Variants in ABCA5 observed in about 807,000 individuals in gnomAD.
ABCA5 encodes the protein cholesterol transporter ABCA5.
ABCA5 carries 163 observed loss-of-function variants against 206.0 expected under a neutral mutation model. The ratio of observed to expected loss-of-function variants is 0.79; its 90% confidence interval spans 0.70 to 0.90. The LOEUF (loss-of-function observed/expected upper bound fraction) is 0.90. Among genes scored for constraint, ABCA5 ranks in the 40% least tolerant of loss-of-function variants. The pLI is 0.00. For synonymous variants in ABCA5, 609 were observed against 613.8 expected (o/e 0.99, Z 0.11); for missense variants, 1,859 against 1,912.9 (o/e 0.97, Z 0.53).
At chr17:69,247,751 A>C in intron 38 of ABCA5, 107 bp from the exon 39 acceptor site, 3 of 542,996 alleles carry the variant, frequency 5.5e-6, no homozygotes, top group African/African-American at 2.0e-5. Flanking sequence ...TATATCAACA[A>C]GTATCAAGAG....
At chr17:69,254,825 G>C (rs2144897924) in intron 31 of ABCA5, among the ~76,000 whole-genome samples, 1 of 152,182 alleles carries the variant, frequency 6.6e-6, no homozygotes, top group Non-Finnish European at 1.5e-5. Context: ...CACCCGCCCA[G>C]ATGTTTTACT....
At chr17:69,314,046 G>A (rs1299643960) in intron 2 of ABCA5, among the ~76,000 whole-genome samples, 1 of 152,006 alleles carries the variant, frequency 6.6e-6, no homozygotes, top group Admixed American at 6.6e-5. Context: ...ATGAAACTTA[G>A]GAAACACATG....
At chr17:69,306,019 G>C (rs1037203164) in intron 6 of ABCA5, among the ~76,000 whole-genome samples, 6 of 151,978 alleles carry the variant, frequency 3.9e-5, no homozygotes, top group African/African-American at 1.5e-4. Context: ...TTGTAAAACA[G>C]ACTATAACAG....
At position 69,326,744 on chromosome 17, in the gene ABCA5, C is replaced by T. The variant is rs1333585233; in HGVS notation, c.-16+308G>A. Reference sequence around the variant, plus strand: ...CCGAAGTCCCACGGCCGGACCCGGTCCCAGGGGAGCCTCGCGGAGCCCCCG... The same window carrying T: ...CCGAAGTCCCACGGCCGGACCCGGTTCCAGGGGAGCCTCGCGGAGCCCCCG... On this transcript the variant is annotated intron_variant, in intron 1 of 38. Transcript: ENST00000392676. The surrounding 1 kb of genome is among the most constrained non-coding windows in gnomAD (Gnocchi z 4.8). 6.6e-6 allele frequency among the ~76,000 whole-genome samples: 1 copy of T among 152,186 alleles called. No homozygotes were observed. The highest frequency in any genetic ancestry group is 2.4e-5 in the African/African-American group (1 of 41,438).
intron 1 of ABCA5, among the ~76,000 whole-genome samples, chr17:69,315,628 T>A (rs1366652626): frequency 6.6e-6 from 1 of 151,638 alleles, no homozygotes; most frequent in African/African-American, 2.4e-5. Flanking sequence ...ACTAAAAATA[T>A]AAAAATTAGC....
At chr17:69,295,345 A>G (rs2075573911) in intron 10 of ABCA5, among the ~76,000 whole-genome samples, 1 of 152,176 alleles carries the variant, frequency 6.6e-6, no homozygotes, top group Admixed American at 6.5e-5. Context: ...GGATCCCATG[A>G]TGCTATTCAA....
intron 1 of ABCA5, among the ~76,000 whole-genome samples, chr17:69,320,543 T>A: frequency 6.6e-6 from 1 of 152,082 alleles, no homozygotes; most frequent in Non-Finnish European, 1.5e-5. Context: ...AAAAAAAAAA[T>A]CTCTTAAGCC....
In ABCA5 at chr17:69,285,960, A is replaced by T; in HGVS notation, c.2210T>A (p.Leu737Ter). 2 of 1,613,312 alleles carry T rather than the reference A, an allele frequency of 1.2e-6. No individual in the cohort carries two copies. The highest frequency in any genetic ancestry group is 2.2e-5 in the South Asian group (2 of 91,014). ...CACAAGTTGTTGGTCATTCTGTTGT[A>T]ATAAAGTAGCTCCAGGTATATGTTG... ...VKQHIPGATLLQQNDQQLVYS... is the reference protein window; with the variant it reads ...VKQHIPGATL The change falls in exon 17 of 39, where the codon TTA (leucine) becomes TAA (stop). Residue 737 changes from leucine to a stop codon, truncating the protein, a stop_gained. Coordinates refer to ENST00000392676, the MANE Select transcript of ABCA5 (RefSeq NM_172232.4). LOFTEE classifies it high-confidence loss of function.
intron 9 of ABCA5, among the ~76,000 whole-genome samples, chr17:69,298,368 T>C (rs1248557666): frequency 2.3e-5 from 2 of 86,508 alleles, no homozygotes; most frequent in African/African-American, 7.6e-5. Context: ...AGAAAGGGCA[T>C]ACAGTGGTAA....
At chr17:69,259,670 C>T (rs769519858) in intron 28 of ABCA5, 36 bp downstream of exon 28, 5 of 1,386,322 alleles carry the variant, frequency 3.6e-6, no homozygotes, top group Non-Finnish European at 5.1e-6. Context: ...TGTAAATATA[C>T]TAAAAACATT....
chr17:69,291,665 A>C (rs184508569), intron 11 of ABCA5, among the ~76,000 whole-genome samples: 31 of 152,344 alleles, frequency 2.0e-4, no homozygotes, highest in African/African-American at 6.7e-4. Flanking sequence ...TAGGCATTTA[A>C]ATAAACTGGC....
At chr17:69,295,681 G>C (rs1290987773) in intron 10 of ABCA5, among the ~76,000 whole-genome samples, 2 of 152,096 alleles carry the variant, frequency 1.3e-5, no homozygotes, top group Admixed American at 6.5e-5. Flanking sequence ...ATTAAGCTTT[G>C]ATAAAGCATA....
rs758348860 is a variant in ABCA5, at chr17:69,306,766, TTTTA to T, written c.743_746del (p.Ile248LysfsTer4). The T allele has an allele frequency of 2.6e-6, 4 of 1,564,940 alleles. No individual in the cohort carries two copies. The highest frequency in any genetic ancestry group is 1.2e-5 in the South Asian group (1 of 81,184). ...GAAGTCCCATTATCTTTAAAAATTC[TTTTA>T]TTTTTTTTTCTTTTTCTGCTACGAT... On this transcript the variant is annotated frameshift_variant, in exon 6 of 39. Coordinates refer to ENST00000392676, the MANE Select transcript of ABCA5 (RefSeq NM_172232.4). LOFTEE classifies it high-confidence loss of function.
chr17:69,325,599 C>T (rs180998359), intron 1 of ABCA5: 2 of 152,306 alleles, frequency 1.3e-5, no homozygotes, highest in East Asian at 3.9e-4. Flanking sequence ...TATCGGTACT[C>T]TTGGCACATA....
At chr17:69,321,205 C>A (rs551818) in intron 1 of ABCA5, among the ~76,000 whole-genome samples, 145,260 of 152,186 alleles carry the variant, frequency 0.95, 69,718 homozygotes, top group East Asian at 1. Context: ...ACACCCAAAA[C>A]TAAAGGGTTA....
intron 10 of ABCA5, among the ~76,000 whole-genome samples, chr17:69,295,167 A>T (rs2144994078): frequency 6.6e-6 from 1 of 152,322 alleles, no homozygotes; most frequent in Non-Finnish European, 1.5e-5. Context: ...AGTTCACATC[A>T]TCTATTTATA....
intron 11 of ABCA5, among the ~76,000 whole-genome samples, chr17:69,294,299 A>G (rs2075562059): frequency 6.6e-6 from 1 of 151,956 alleles, no homozygotes; most frequent in Non-Finnish European, 1.5e-5. Context: ...GAGGCGGGCG[A>G]ACCACCTGAG....
At chr17:69,285,577 C>T (rs1232575227) in intron 17 of ABCA5, among the ~76,000 whole-genome samples, 3 of 151,838 alleles carry the variant, frequency 2.0e-5, no homozygotes, top group South Asian at 2.1e-4. Flanking sequence ...TACATATATG[C>T]CTTACTCTCA....
chr17:69,270,643 G>T lies in ABCA5; in HGVS notation c.3000C>A (p.Thr1000=). Residue 1000 remains threonine, a synonymous_variant, in exon 22 of 39, where the codon ACC becomes ACA. Coordinates refer to ENST00000392676, the MANE Select transcript of ABCA5 (RefSeq NM_172232.4). Reference sequence around the variant, plus strand: ...AGAATGGGGTACTCCAGATCTGGATGGTTTCAGTCACATTTAAATGATAAA... The same window carrying T: ...AGAATGGGGTACTCCAGATCTGGATTGTTTCAGTCACATTTAAATGATAAA... ...YYLYHLNVTE[T]IQIWSTPFFQ... is the part of the protein sequence containing the mutation. The T allele has an allele frequency of 6.3e-7, 1 of 1,596,820 alleles. No individual in the cohort carries two copies. The highest frequency in any genetic ancestry group is 1.2e-5 in the South Asian group (1 of 86,922).
Sources: allele counts gnomAD v4.1 joint callset (sites outside exome capture counted in the v4.1 genomes callset), GRCh38; gene constraint gnomAD v4.1.1; non-coding constraint Gnocchi (gnomAD v3.1); transcripts MANE v1.5; gene names NCBI Gene and HGNC (gene_info 2026-07-23, HGNC 2026-07-21).